KCNQ3: variants seen among roughly 807,000 people sequenced by gnomAD.
KCNQ3 encodes the protein potassium voltage-gated channel subfamily KQT member 3.
KCNQ3 carries 30 observed loss-of-function variants against 92.5 expected under a neutral mutation model. The ratio of observed to expected loss-of-function variants is 0.32; its 90% CI spans 0.24 to 0.44. The LOEUF (loss-of-function observed/expected upper bound fraction) is 0.44. Ranked by LOEUF, KCNQ3 falls within the 20% of genes least tolerant of loss-of-function variation. The pLI is 1.00. For missense variants in KCNQ3, 913 were observed against 1,140.3 expected (o/e 0.80, Z 2.87); for synonymous variants, 450 against 468.8 (o/e 0.96, Z 0.52).
At chr8:132,265,543 C>G (rs1815953556) in intron 1 of KCNQ3, among the ~76,000 whole-genome samples, 1 of 152,218 alleles carries the variant, frequency 6.6e-6, no homozygotes, top group Admixed American at 6.5e-5. Flanking sequence ...GTCTGGGACA[C>G]AGAGACAGTT....
At chr8:132,420,229 C>T (rs1820931592) in intron 1 of KCNQ3, among the ~76,000 whole-genome samples, 1 of 152,154 alleles carries the variant, frequency 6.6e-6, no homozygotes, top group Admixed American at 6.5e-5. Context: ...AATCACCTCC[C>T]CAAAGCCCCA....
chr8:132,290,794 A>C (rs1816815194), intron 1 of KCNQ3, among the ~76,000 whole-genome samples: 1 of 152,210 alleles, frequency 6.6e-6, no homozygotes, highest in Non-Finnish European at 1.5e-5. Flanking sequence ...CAATAAGGCA[A>C]GTGGATATTC....
intron 1 of KCNQ3, among the ~76,000 whole-genome samples, chr8:132,259,434 T>C (rs1034102569): frequency 6.6e-6 from 1 of 152,098 alleles, no homozygotes; most frequent in African/African-American, 2.4e-5. Context: ...GAAAAAGCAC[T>C]GACAAAACAT....
At chr8:132,239,496 T>C (rs1272344571) in intron 1 of KCNQ3, among the ~76,000 whole-genome samples, 3 of 152,078 alleles carry the variant, frequency 2.0e-5, no homozygotes, top group African/African-American at 7.2e-5. Flanking sequence ...TCAAAGTAAT[T>C]TGAGAAGGGA....
chr8:132,474,435 G>T (rs1033216757), intron 1 of KCNQ3, among the ~76,000 whole-genome samples: 1 of 151,964 alleles, frequency 6.6e-6, no homozygotes, highest in Non-Finnish European at 1.5e-5. Context: ...TCAGCCATAA[G>T]GTTAAAAAAA....
At chr8:132,326,858 C>T (rs1486341584) in intron 1 of KCNQ3, among the ~76,000 whole-genome samples, 3 of 152,226 alleles carry the variant, frequency 2.0e-5, no homozygotes, top group African/African-American at 7.2e-5. Context: ...GATACTCATT[C>T]ATTTATTCAT....
chr8:132,372,759 CAA>C (rs749955464), intron 1 of KCNQ3, among the ~76,000 whole-genome samples: 1 of 67,742 alleles, frequency 1.5e-5, no homozygotes, highest in Admixed American at 1.8e-4. Flanking sequence ...GACTTTGTCT[CAA>C]AAAAAAAAAA....
chr8:132,446,751 G>C (rs920712297), intron 1 of KCNQ3, among the ~76,000 whole-genome samples: 7 of 152,134 alleles, frequency 4.6e-5, no homozygotes, highest in Non-Finnish European at 5.9e-5. Flanking sequence ...AGTACAGGAG[G>C]CAAGTTCCCT....
At chr8:132,151,756 A>C (rs1375259076) in intron 9 of KCNQ3, among the ~76,000 whole-genome samples, 2 of 152,196 alleles carry the variant, frequency 1.3e-5, no homozygotes, top group African/African-American at 4.8e-5. Context: ...TCAGTTTCAA[A>C]ACTGTGTTTC....
intron 1 of KCNQ3, among the ~76,000 whole-genome samples, chr8:132,456,593 T>C (rs955713380): frequency 8.5e-6 from 1 of 117,610 alleles, no homozygotes; most frequent in Non-Finnish European, 1.9e-5. Flanking sequence ...TAGCTTTCTA[T>C]TTTTTTTTTA....
intron 1 of KCNQ3, among the ~76,000 whole-genome samples, chr8:132,414,088 C>T (rs1224006699): frequency 6.6e-6 from 1 of 152,206 alleles, no homozygotes; most frequent in African/African-American, 2.4e-5. Context: ...TAATAGTGAG[C>T]ACATCTACCA....
At chr8:132,297,284 G>A (rs940366899) in intron 1 of KCNQ3, among the ~76,000 whole-genome samples, 1 of 151,938 alleles carries the variant, frequency 6.6e-6, no homozygotes, top group South Asian at 2.1e-4. Context: ...GTAGATTCTG[G>A]ATATTAGCCC....
intron 1 of KCNQ3, among the ~76,000 whole-genome samples, chr8:132,324,645 A>G (rs943650637): frequency 3.9e-5 from 6 of 152,226 alleles, no homozygotes; most frequent in African/African-American, 1.4e-4. Flanking sequence ...AGCACATACT[A>G]TGTGCCAAGC....
intron 1 of KCNQ3, among the ~76,000 whole-genome samples, chr8:132,430,029 C>T (rs1329682328): frequency 6.6e-6 from 1 of 152,150 alleles, no homozygotes; most frequent in Admixed American, 6.5e-5. Context: ...CCCTCCCACA[C>T]CCTGGGCCAA....
At chr8:132,349,991 T>C (rs118004437) in intron 1 of KCNQ3, among the ~76,000 whole-genome samples, 2 of 152,328 alleles carry the variant, frequency 1.3e-5, no homozygotes, top group Admixed American at 6.5e-5. Flanking sequence ...TCATGCTTCA[T>C]GGATGGGGAA....
intron 9 of KCNQ3, among the ~76,000 whole-genome samples, chr8:132,156,607 T>C (rs1825802440): frequency 1.3e-5 from 2 of 152,058 alleles, no homozygotes; most frequent in Admixed American, 1.3e-4. Flanking sequence ...TCTAAATCTT[T>C]CATAAATATC....
At chr8:132,378,866 C>T (rs760458672) in intron 1 of KCNQ3, among the ~76,000 whole-genome samples, 4 of 152,180 alleles carry the variant, frequency 2.6e-5, no homozygotes, top group Non-Finnish European at 5.9e-5. Flanking sequence ...ATAAGAAATA[C>T]TTTTTCCTGT....
At chr8:132,179,914 C>A (rs746388370) in intron 4 of KCNQ3, among the ~76,000 whole-genome samples, 1 of 152,180 alleles carries the variant, frequency 6.6e-6, no homozygotes, top group South Asian at 2.1e-4. Flanking sequence ...AAGTCATTTG[C>A]ATATGGTGGA....
chr8:132,150,647 A>C (rs1463171761), intron 9 of KCNQ3, among the ~76,000 whole-genome samples: 1 of 152,044 alleles, frequency 6.6e-6, no homozygotes, highest in Non-Finnish European at 1.5e-5. Context: ...GTTGACTGAA[A>C]TATTTTTCTC....
Sources: allele counts gnomAD v4.1 joint callset (sites outside exome capture counted in the v4.1 genomes callset), GRCh38; gene constraint gnomAD v4.1.1; transcripts MANE v1.5; gene names NCBI Gene and HGNC (gene_info 2026-07-23, HGNC 2026-07-21).